Variants in HS2ST1 observed in about 807,000 individuals in gnomAD.
HS2ST1 encodes the protein 2-O-sulfotransferase.
A neutral mutation model predicts 42.9 loss-of-function variants in HS2ST1; 18 were observed. The ratio of observed to expected loss-of-function variants is 0.42; its 90% CI spans 0.29 to 0.62. The LOEUF is 0.62. Ranked by LOEUF, HS2ST1 falls within the 20% of genes least tolerant of loss-of-function variation. HS2ST1 has a pLI of 0.21. For synonymous variants in HS2ST1, 146 were observed against 152.9 expected (o/e 0.95, Z 0.33); for missense variants, 334 against 433.8 (o/e 0.77, Z 2.04).
chr1:87,038,834 T>C (rs957696850), intron 1 of HS2ST1, among the ~76,000 whole-genome samples: 1 of 148,350 alleles, frequency 6.7e-6, no homozygotes, highest in African/African-American at 2.5e-5. Context: ...AGAGAGAAAC[T>C]AAAAAAAAAA....
At chr1:86,928,526 C>G (rs1660470337) in intron 1 of HS2ST1, among the ~76,000 whole-genome samples, 1 of 151,884 alleles carries the variant, frequency 6.6e-6, no homozygotes, top group African/African-American at 2.4e-5. Context: ...TCAACACAGT[C>G]TTATTGCTTT....
intron 1 of HS2ST1, among the ~76,000 whole-genome samples, chr1:87,059,739 G>A (rs1413722616): frequency 1.3e-5 from 2 of 152,082 alleles, no homozygotes; most frequent in Non-Finnish European, 2.9e-5. Context: ...ATGGGCGTCT[G>A]GTAAAAGAAT....
At chr1:86,923,177 A>T (rs1660335702) in intron 1 of HS2ST1, among the ~76,000 whole-genome samples, 1 of 152,124 alleles carries the variant, frequency 6.6e-6, no homozygotes, top group African/African-American at 2.4e-5. Context: ...TAGAAGTTTA[A>T]TATAGGTCTT....
chr1:87,054,766 CA>C (rs1205606295), intron 1 of HS2ST1, among the ~76,000 whole-genome samples: 3 of 152,128 alleles, frequency 2.0e-5, no homozygotes. Flanking sequence ...CAAAAGACTT[CA>C]AGGTACTGTG....
At chr1:86,924,271 A>G (rs944966967) in intron 1 of HS2ST1, among the ~76,000 whole-genome samples, 8 of 152,198 alleles carry the variant, frequency 5.3e-5, no homozygotes, top group Admixed American at 3.3e-4. Context: ...TTTGCATGAT[A>G]TAGCCCCCCA....
intron 1 of HS2ST1, among the ~76,000 whole-genome samples, chr1:86,981,878 C>A (rs1648604980): frequency 6.6e-6 from 1 of 152,254 alleles, no homozygotes; most frequent in South Asian, 2.1e-4. Flanking sequence ...TGGGGACTCT[C>A]TGTTGGGGCT....
intron 1 of HS2ST1, among the ~76,000 whole-genome samples, chr1:86,996,784 T>C (rs1233842684): frequency 6.6e-6 from 1 of 152,198 alleles, no homozygotes; most frequent in East Asian, 1.9e-4. Flanking sequence ...TTATGAATTA[T>C]AATACATATG....
chr1:87,009,082 G>A (rs945782262), intron 1 of HS2ST1, among the ~76,000 whole-genome samples: 3 of 152,098 alleles, frequency 2.0e-5, no homozygotes, highest in Non-Finnish European at 4.4e-5. Flanking sequence ...GAGCTCAAGC[G>A]ATCGCCCACC....
intron 1 of HS2ST1, among the ~76,000 whole-genome samples, chr1:87,028,099 T>C (rs1650134119): frequency 6.6e-6 from 1 of 152,244 alleles, no homozygotes; most frequent in Non-Finnish European, 1.5e-5. Flanking sequence ...GTCATAAGAT[T>C]TATTTTAAAG....
At position 86,938,472 on chromosome 1, in the gene HS2ST1, C is replaced by T. The variant is rs141458165; in HGVS notation, c.124+23312C>T. On this transcript the variant is annotated intron_variant, in intron 1 of 6. Coordinates refer to ENST00000370550, the MANE Select transcript of HS2ST1 (RefSeq NM_012262.4). ...TTTTTCTTCAGCTTTTTAATTTTTC[C>T]AAGTTGAGTTTTGAATTTTTGATCT... Among the ~76,000 whole-genome samples, 451 of 151,924 alleles carry T rather than the reference C, an allele frequency of 3.0e-3. 3 individuals carry two copies. The highest frequency in any genetic ancestry group is 1.0e-2 in the African/African-American group (414 of 41,444).
intron 1 of HS2ST1, among the ~76,000 whole-genome samples, chr1:87,042,601 G>GA (rs1252073065): frequency 6.6e-6 from 1 of 152,032 alleles, no homozygotes; most frequent in African/African-American, 2.4e-5. Context: ...GCTAACTAGA[G>GA]AGAGGAAGTA....
intron 1 of HS2ST1, among the ~76,000 whole-genome samples, chr1:87,027,458 T>C (rs1650116720): frequency 6.6e-6 from 1 of 152,192 alleles, no homozygotes; most frequent in Non-Finnish European, 1.5e-5. Context: ...AGAGCTCAAA[T>C]TATTCTTCCT....
At chr1:86,940,855 G>A (rs1264283650) in intron 1 of HS2ST1, among the ~76,000 whole-genome samples, 1 of 152,104 alleles carries the variant, frequency 6.6e-6, no homozygotes, top group Non-Finnish European at 1.5e-5. Flanking sequence ...TTTACCATGT[G>A]TGGTGGCATG....
intron 1 of HS2ST1, among the ~76,000 whole-genome samples, chr1:86,953,980 G>A (rs1416669905): frequency 6.7e-6 from 1 of 148,264 alleles, no homozygotes; most frequent in Non-Finnish European, 1.5e-5. Flanking sequence ...TTTTATGTGG[G>A]CATGGTTTGT....
intron 2 of HS2ST1, among the ~76,000 whole-genome samples, chr1:87,079,712 TAGAA>T (rs1651635562): frequency 6.6e-6 from 1 of 152,114 alleles, no homozygotes; most frequent in Middle Eastern, 3.2e-3. Context: ...AGTTTGAGCT[TAGAA>T]AGAGATTCTG....
rs189980341 is a variant in HS2ST1 at position 87,096,701 on chromosome 1, G to C, written c.589-1137G>C. On this transcript the variant is annotated intron_variant, in intron 4 of 6. Coordinates refer to ENST00000370550, the MANE Select transcript of HS2ST1 (RefSeq NM_012262.4). ...TCCCCCATACCTCAGCTGTGAGAAC[G>C]AGAATTGCCTTCAAACATTGCCAAA... Among the ~76,000 whole-genome samples the C allele has an allele frequency of 8.5e-5, 13 of 152,274 alleles. No individual in the cohort carries two copies. The East Asian group carries it at 2.3e-3, about 27-fold the overall frequency.
At chr1:87,061,963 G>C (rs1324164057) in intron 1 of HS2ST1, among the ~76,000 whole-genome samples, 2 of 149,386 alleles carry the variant, frequency 1.3e-5, no homozygotes, top group Non-Finnish European at 3.0e-5. Flanking sequence ...TTTAATTATA[G>C]CCATCCTAGT....
intron 1 of HS2ST1, among the ~76,000 whole-genome samples, chr1:87,020,771 G>A (rs1322537333): frequency 6.6e-6 from 1 of 152,108 alleles, no homozygotes; most frequent in African/African-American, 2.4e-5. Flanking sequence ...CCTCTCCTGT[G>A]AGGACATAAT....
intron 1 of HS2ST1, among the ~76,000 whole-genome samples, chr1:86,969,854 G>A (rs898020669): frequency 3.3e-5 from 5 of 152,114 alleles, no homozygotes; most frequent in South Asian, 2.1e-4. Context: ...GGCCGGGTGC[G>A]GTGGCTCACG....
Sources: gnomAD v4.1 joint callset for allele counts (sites outside exome capture counted in the v4.1 genomes callset) on GRCh38, gnomAD v4.1.1 for gene constraint, MANE v1.5 for transcripts, NCBI Gene and HGNC (gene_info 2026-07-23, HGNC 2026-07-21) for gene names.